Variants in RBFOX1 observed in about 807,000 individuals in gnomAD.
RBFOX1 encodes RNA binding protein fox-1 homolog 1.
In RBFOX1, 8 loss-of-function variants were observed where a neutral mutation model predicts 57.7. The ratio of observed to expected loss-of-function variants is 0.14; its 90% CI spans 0.08 to 0.25. RBFOX1 has a LOEUF of 0.25. RBFOX1 is among the 10% of genes least tolerant of loss of function. RBFOX1 has a pLI of 1.00. For synonymous variants in RBFOX1, 326 were observed against 222.4 expected, an observed-to-expected ratio of 1.47 and a Z score of -4.15; for missense variants, 611 against 548.5, an observed-to-expected ratio of 1.11 and a Z score of -1.14.
intron 3 of RBFOX1, among the ~76,000 whole-genome samples, chr16:5,635,765 G>C (rs2048663886): frequency 6.6e-6 from 1 of 152,090 alleles, no homozygotes; most frequent in Non-Finnish European, 1.5e-5. Context: ...GATAGATCAA[G>C]CCAGAGCAGG....
At position 5,259,527 on chromosome 16, in the gene RBFOX1, C is replaced by G. The variant is rs140063801; in HGVS notation, c.219+19422C>G. Among the ~76,000 whole-genome samples the G allele has an allele frequency of 2.9e-3, 443 of 152,308 alleles. 4 individuals are homozygous for G. Among genetic ancestry groups the G allele is most frequent in the African/African-American group, 0.01 (421 of 41,556 alleles). On this transcript the variant is annotated intron_variant, in intron 1 of 2. Transcript: ENST00000585867. ...CCCTGGATTGTAAACTCCTTGATGT[C>G]TGGGTCATTTCAGCTTGTGAAGTGA...
At chr16:6,766,311 A>T (rs996051724) in intron 3 of RBFOX1, among the ~76,000 whole-genome samples, 1 of 151,646 alleles carries the variant, frequency 6.6e-6, no homozygotes, top group Non-Finnish European at 1.5e-5. Flanking sequence ...TTCCTTTTTT[A>T]TTTAGTTTTT....
Position 6,455,106 on chromosome 16 carries a change from G to C in RBFOX1, c.-64+138049G>C, listed in dbSNP as rs559453889. On this transcript the variant is annotated intron_variant, in intron 2 of 15. Coordinates refer to ENST00000550418, the MANE Select transcript of RBFOX1 (RefSeq NM_018723.4). ...GACGGGGTTTCACTGTGTTAGCCAG[G>C]ATGGTCTCAATCTCCTGACCTCAGG... 7.3e-5 allele frequency among the ~76,000 whole-genome samples: 11 copies of C among 150,586 alleles called. No homozygotes were observed. The East Asian group carries it at 2.0e-3, about 27-fold the overall frequency.
At chr16:7,094,418 A>G (rs893395950) in intron 4 of RBFOX1, among the ~76,000 whole-genome samples, 2 of 152,116 alleles carry the variant, frequency 1.3e-5, no homozygotes, top group Non-Finnish European at 2.9e-5. Context: ...TGGGAAGGAA[A>G]GGTAGGAAGA....
intron 3 of RBFOX1, among the ~76,000 whole-genome samples, chr16:6,999,434 T>A (rs1055125586): frequency 4.6e-5 from 7 of 151,428 alleles, no homozygotes; most frequent in Non-Finnish European, 1.0e-4. Context: ...TGATTTTTTT[T>A]AATTTTTATT....
chr16:7,562,313 G>C (rs773666363), intron 5 of RBFOX1, among the ~76,000 whole-genome samples: 1 of 152,096 alleles, frequency 6.6e-6, no homozygotes, highest in Admixed American at 6.6e-5. Flanking sequence ...AATGCATTAG[G>C]GTACCTGCCG....
At chr16:6,100,739 A>C (rs1290698188) in intron 1 of RBFOX1, among the ~76,000 whole-genome samples, 1 of 152,214 alleles carries the variant, frequency 6.6e-6, no homozygotes, top group Non-Finnish European at 1.5e-5. Context: ...ATCCCGGTCC[A>C]TCAATCTTAA....
intron 5 of RBFOX1, among the ~76,000 whole-genome samples, chr16:7,535,945 G>C (rs979286814): frequency 6.6e-6 from 1 of 152,188 alleles, no homozygotes; most frequent in African/African-American, 2.4e-5. Context: ...GAGAGGCGCA[G>C]AACTGGGCCT....
chr16:5,396,299 T>A (rs77115615), intron 1 of RBFOX1, among the ~76,000 whole-genome samples: 8,148 of 152,166 alleles, frequency 0.054, 290 homozygotes, highest in East Asian at 0.11. Context: ...CCCTAGACCT[T>A]ATCCTGTAGT....
chr16:5,606,608 CA>C (rs1213158031), intron 3 of RBFOX1, among the ~76,000 whole-genome samples: 3 of 152,152 alleles, frequency 2.0e-5, no homozygotes, highest in African/African-American at 7.2e-5. Flanking sequence ...ACCGTGCCCT[CA>C]AAGCGCTTGC....
At chr16:5,748,145 T>G (rs892247792) in intron 3 of RBFOX1, among the ~76,000 whole-genome samples, 14 of 152,204 alleles carry the variant, frequency 9.2e-5, no homozygotes, top group Non-Finnish European at 1.8e-4. Flanking sequence ...CAGTAGTCTT[T>G]CAGGAGCAGG....
At chr16:6,267,990 A>G (rs913816502) in intron 1 of RBFOX1, among the ~76,000 whole-genome samples, 1 of 152,198 alleles carries the variant, frequency 6.6e-6, no homozygotes, top group Non-Finnish European at 1.5e-5. Context: ...TTGAAACACA[A>G]GGAAGCTATG....
intron 2 of RBFOX1, among the ~76,000 whole-genome samples, chr16:6,621,711 G>A (rs1393363611): frequency 6.6e-6 from 1 of 152,132 alleles, no homozygotes; most frequent in Non-Finnish European, 1.5e-5. Flanking sequence ...CTGGGCTAAT[G>A]CTCGTTAGCT....
At chr16:7,202,298 T>C (rs200914784) in intron 4 of RBFOX1, among the ~76,000 whole-genome samples, 4 of 131,740 alleles carry the variant, frequency 3.0e-5, no homozygotes, top group African/African-American at 1.1e-4. Flanking sequence ...TGGCTGCAAA[T>C]AAAAAAAAAA....
At chr16:5,412,195 T>A (rs1270420849) in intron 1 of RBFOX1, among the ~76,000 whole-genome samples, 2 of 151,992 alleles carry the variant, frequency 1.3e-5, no homozygotes, top group African/African-American at 4.8e-5. Context: ...CTGGCCAGGC[T>A]CCTGACTTGC....
At chr16:7,204,943 T>G (rs977881858) in intron 4 of RBFOX1, among the ~76,000 whole-genome samples, 2 of 152,230 alleles carry the variant, frequency 1.3e-5, no homozygotes, top group Admixed American at 6.5e-5. Context: ...GCACTTCAAC[T>G]TGAAATTCCT....
chr16:6,816,848 A>G (rs951807017), intron 3 of RBFOX1, among the ~76,000 whole-genome samples: 20 of 152,050 alleles, frequency 1.3e-4, no homozygotes, highest in African/African-American at 4.8e-4. Flanking sequence ...GGGCTCAAAC[A>G]GTCCTCCCAC....
At chr16:7,003,907 A>G (rs1251734444) in intron 3 of RBFOX1, 6 of 152,042 alleles carry the variant, frequency 3.9e-5, no homozygotes, top group African/African-American at 1.4e-4. Flanking sequence ...GGTCAATGAA[A>G]TGGTCATTAG....
At chr16:7,699,801 TTTA>T (rs1486195884) in intron 14 of RBFOX1, among the ~76,000 whole-genome samples, 10 of 152,230 alleles carry the variant, frequency 6.6e-5, no homozygotes, top group South Asian at 2.1e-4. Context: ...ATGTGTGGCT[TTTA>T]TTATGTTTCT....
Sources: gnomAD v4.1 joint callset for allele counts (sites outside exome capture counted in the v4.1 genomes callset) on GRCh38, gnomAD v4.1.1 for gene constraint, MANE v1.5 for transcripts, NCBI Gene and HGNC (gene_info 2026-07-23, HGNC 2026-07-21) for gene names.